Variants in KIF13A observed in about 807,000 individuals in gnomAD.
KIF13A encodes the protein kinesin-like protein KIF13A.
In KIF13A, 79 loss-of-function variants were observed where a neutral mutation model predicts 212.2. The ratio of observed to expected loss-of-function variants is 0.37; its 90% confidence interval spans 0.31 to 0.45. The LOEUF (loss-of-function observed/expected upper bound fraction) is 0.45. KIF13A is among the 20% of genes least tolerant of loss of function. KIF13A has a pLI of 1.00. For missense variants in KIF13A, 1,901 were observed against 2,209.0 expected (o/e 0.86, Z 2.79); for synonymous variants, 789 against 808.6 (o/e 0.98, Z 0.41).
chr6:17,827,280 G>T (rs1765049664), intron 14 of KIF13A, among the ~76,000 whole-genome samples: 1 of 151,512 alleles, frequency 6.6e-6, no homozygotes, highest in African/African-American at 2.4e-5. Flanking sequence ...TTTTTTTGTA[G>T]AGTAGGGGGT....
In KIF13A at chr6:17,987,582, G is replaced by T. The variant is rs978429965; in HGVS notation, c.-119C>A. ...CGAGCGCGGCCGCCGCCGCTCCGCC[G>T]TGAGCTCCGAGAGGCAGCGCCGAGG... On this transcript the variant is annotated 5_prime_UTR_variant, in exon 1 of 39. Transcript: ENST00000259711. This position sits in a 1 kb window ranked among gnomAD's most constrained non-coding sequence, Gnocchi z 7.7. 32 of 436,242 alleles carry T rather than the reference G, an allele frequency of 7.3e-5. 1 individual carries two copies. In the Admixed American group the frequency reaches 1.5e-3, roughly 21 times the overall value. The allele number at this position is 436,242 out of a possible 1,614,324, so 27.0% of individuals were successfully genotyped here.
rs115243337 is a variant in KIF13A at position 17,843,691 on chromosome 6, C to T, written c.830+5686G>A. Among the ~76,000 whole-genome samples the T allele has an allele frequency of 2.2e-3, 337 of 152,304 alleles. 1 individual carries two copies. The highest frequency in any genetic ancestry group is 2.7e-3 in the Non-Finnish European group (182 of 68,034). ...CTGTTAAATGAGAAAAATTAACTCA[C>T]GTCATTGTCAGTGTAGCTGGTTTCT... On this transcript the variant is annotated intron_variant, in intron 9 of 38. Coordinates refer to ENST00000259711, the MANE Select transcript of KIF13A (RefSeq NM_022113.6). This position sits in a 1 kb window ranked among gnomAD's most constrained non-coding sequence, Gnocchi z 5.3.
chr6:17,862,966 A>C (rs534655808), intron 4 of KIF13A, among the ~76,000 whole-genome samples: 18 of 152,188 alleles, frequency 1.2e-4, no homozygotes, highest in African/African-American at 4.1e-4. Flanking sequence ...ACAAACAAAC[A>C]AACAAACAAA....
At chr6:17,964,262 G>A (rs1436158529) in intron 2 of KIF13A, among the ~76,000 whole-genome samples, 2 of 152,068 alleles carry the variant, frequency 1.3e-5, no homozygotes, top group African/African-American at 2.4e-5. Flanking sequence ...CGTAGCCATC[G>A]CCCTAATTCT....
chr6:17,862,843 G>T (rs1768951549), intron 4 of KIF13A, among the ~76,000 whole-genome samples: 1 of 152,192 alleles, frequency 6.6e-6, no homozygotes, highest in Non-Finnish European at 1.5e-5. Context: ...AGCTACTCGG[G>T]AGGCTGAGGC....
Position 17,763,848 on chromosome 6 carries a change from G to T in KIF13A, c.*262C>A. The stretch of plus-strand genomic sequence containing the variant: ...CTGGTAACTAAACATCCCAGGGAAT[G>T]AATATGAGATTGATCCTTATCCATC... On this transcript the variant is annotated 3_prime_UTR_variant, in exon 39 of 39. Coordinates refer to ENST00000259711, the MANE Select transcript of KIF13A (RefSeq NM_022113.6). 1 of 1,277,538 alleles carries T rather than the reference G, an allele frequency of 7.8e-7. No individual in the cohort carries two copies. 79.1% of individuals were successfully genotyped at this position (1,277,538 alleles called of 1,614,324 possible).
intron 25 of KIF13A, among the ~76,000 whole-genome samples, chr6:17,790,586 C>T (rs1170983480): frequency 1.3e-5 from 2 of 152,050 alleles, no homozygotes; most frequent in Non-Finnish European, 1.5e-5. Flanking sequence ...CATTCTCTTG[C>T]CCAATCTCAG....
Position 17,987,001 on chromosome 6 carries a change from C to A in KIF13A, c.146+53G>T. 1.5e-6 allele frequency: 2 copies of A among 1,379,082 alleles called. No individual in the cohort carries two copies. Among genetic ancestry groups the A allele is most frequent in the South Asian group, 1.2e-5 (1 of 85,584 alleles). The allele number at this position is 1,379,082 out of a possible 1,614,324, so 85.4% of individuals were successfully genotyped here. The stretch of plus-strand genomic sequence containing the variant: ...CTCCCATTTTCCTGGCTCAAACTTG[C>A]GGGACCCCGCGAGGCTGGATCCTCC... On this transcript the variant is annotated intron_variant, in intron 2 of 38. Transcript: ENST00000259711. This position sits in a 1 kb window ranked among gnomAD's most constrained non-coding sequence, Gnocchi z 7.7.
downstream of KIF13A, among the ~76,000 whole-genome samples, chr6:17,762,726 G>T (rs565720776): frequency 1.8e-4 from 28 of 152,210 alleles, no homozygotes; most frequent in Admixed American, 1.0e-3. Context: ...CTAAACAAAT[G>T]CATGTATTGC....
rs114874022 is a variant in KIF13A, at chr6:17,868,144, A to C, written c.220+5233T>G. Among the ~76,000 whole-genome samples, 1,007 of 152,370 alleles carry C rather than the reference A, an allele frequency of 6.6e-3. 10 individuals are homozygous for C. Among genetic ancestry groups the C allele is most frequent in the South Asian group, 0.045 (219 of 4,830 alleles). On this transcript the variant is annotated intron_variant, in intron 4 of 38. Transcript: ENST00000259711. ...GAACTGTTATATAATTTCTGAGTCAACAGTTTAGAATCTCTCAGGCCAGGG... is the reference window on the plus strand; with the variant it reads ...GAACTGTTATATAATTTCTGAGTCACCAGTTTAGAATCTCTCAGGCCAGGG...
At chr6:17,857,586 C>T (rs895871148) in intron 4 of KIF13A, among the ~76,000 whole-genome samples, 3 of 152,160 alleles carry the variant, frequency 2.0e-5, no homozygotes, top group Non-Finnish European at 4.4e-5. Context: ...TAGTTCTTTA[C>T]AACAGTGTAA....
rs1781686554 is a variant in KIF13A, at chr6:17,987,543, A to G, written c.-80T>C. The G allele has an allele frequency of 1.3e-6, 1 of 777,514 alleles. No homozygotes were observed. The highest frequency in any genetic ancestry group is 1.6e-6 in the Non-Finnish European group (1 of 631,278). The allele number at this position is 777,514 out of a possible 1,614,324, so 48.2% of individuals were successfully genotyped here. A position where few individuals can be genotyped will look rare whatever the true frequency, so the allele number is the denominator to read the frequency against. ...TCACGCGCGGCGCCGCCGCCGCTGC[A>G]GCCGCGCGCCCCTCGAGCGCGGCCG... On this transcript the variant is annotated 5_prime_UTR_variant, in exon 1 of 39. Coordinates refer to ENST00000259711, the MANE Select transcript of KIF13A (RefSeq NM_022113.6). This position sits in a 1 kb window ranked among gnomAD's most constrained non-coding sequence, Gnocchi z 7.7.
intron 2 of KIF13A, among the ~76,000 whole-genome samples, chr6:17,948,245 T>G (rs1777572884): frequency 6.6e-6 from 1 of 152,228 alleles, no homozygotes; most frequent in Non-Finnish European, 1.5e-5. Flanking sequence ...TTGAAGAGAT[T>G]CATTACCAAA....
chr6:17,896,023 T>C (rs1772527300), intron 3 of KIF13A, among the ~76,000 whole-genome samples: 1 of 152,198 alleles, frequency 6.6e-6, no homozygotes, highest in Non-Finnish European at 1.5e-5. Flanking sequence ...TGTGGGGAAT[T>C]GGTTCTAGAA....
rs75149775 is a variant in KIF13A at position 17,961,285 on chromosome 6, G to C, written c.146+25769C>G. 0.016 allele frequency among the ~76,000 whole-genome samples: 2,489 copies of C among 152,290 alleles called. 31 individuals are homozygous for C. The highest frequency in any genetic ancestry group is 0.027 in the Non-Finnish European group (1,821 of 68,028). On this transcript the variant is annotated intron_variant, in intron 2 of 38. Coordinates refer to ENST00000259711, the MANE Select transcript of KIF13A (RefSeq NM_022113.6). The surrounding 1 kb of genome is among the most constrained non-coding windows in gnomAD (Gnocchi z 4.1). ...GACTTCACTAGTGTGGGCTGGTAAGGGGACCTGGAAAGGAGCTGGGATTCC... is the reference window on the plus strand; with the variant it reads ...GACTTCACTAGTGTGGGCTGGTAAGCGGACCTGGAAAGGAGCTGGGATTCC...
At chr6:17,833,786 G>A (rs944247711) in intron 12 of KIF13A, among the ~76,000 whole-genome samples, 175 bp downstream of exon 12, 1 of 146,472 alleles carries the variant, frequency 6.8e-6, no homozygotes, top group Non-Finnish European at 1.5e-5. Context: ...AGCCCGGGAG[G>A]TGGAGGTTGC....
At chr6:17,879,717 T>C (rs1386267420) in intron 3 of KIF13A, among the ~76,000 whole-genome samples, 2 of 152,256 alleles carry the variant, frequency 1.3e-5, no homozygotes, top group Non-Finnish European at 2.9e-5. Context: ...TCCTTTGTCA[T>C]GTCCTTGACA....
At position 17,963,165 on chromosome 6, in the gene KIF13A, C is replaced by G. The variant is rs1228184880; in HGVS notation, c.146+23889G>C. 3.3e-5 allele frequency among the ~76,000 whole-genome samples: 5 copies of G among 152,160 alleles called. No homozygotes were observed. In the South Asian group the frequency reaches 1.0e-3, roughly 32 times the overall value. On this transcript the variant is annotated intron_variant, in intron 2 of 38. Transcript: ENST00000259711. The surrounding 1 kb of genome is among the most constrained non-coding windows in gnomAD (Gnocchi z 4.1). ...GGGTGCGGTGGCTCATGCCTGTAATCCCAGCACTTTGGGAGGCCGAGGTGG... is the reference window on the plus strand; with the variant it reads ...GGGTGCGGTGGCTCATGCCTGTAATGCCAGCACTTTGGGAGGCCGAGGTGG...
chr6:17,975,128 G>A (rs971322885), intron 2 of KIF13A, among the ~76,000 whole-genome samples: 3 of 152,150 alleles, frequency 2.0e-5, no homozygotes, highest in Non-Finnish European at 4.4e-5. Context: ...CAGATCATTT[G>A]AGGTCAGCAG....
Sources: allele counts gnomAD v4.1 joint callset (sites outside exome capture counted in the v4.1 genomes callset), GRCh38; gene constraint gnomAD v4.1.1; non-coding constraint Gnocchi (gnomAD v3.1); transcripts MANE v1.5; gene names NCBI Gene and HGNC (gene_info 2026-07-23, HGNC 2026-07-21).